NMNAT3: variants seen among roughly 807,000 people sequenced by gnomAD.
NMNAT3 encodes nicotinamide nucleotide adenylyltransferase 3, also known as nicotinamide/nicotinic acid mononucleotide adenylyltransferase 3.
In NMNAT3, 21 loss-of-function variants were observed where a neutral mutation model predicts 24.8. That is an observed-to-expected ratio of 0.85 (90% CI 0.60 to 1.22). The LOEUF is 1.22. NMNAT3 is among the 50% of genes most tolerant of loss of function. NMNAT3 has a pLI of 0.00. For missense variants in NMNAT3, 387 were observed against 436.6 expected, an observed-to-expected ratio of 0.89 and a Z score of 1.01; for synonymous variants, 136 against 155.2, an observed-to-expected ratio of 0.88 and a Z score of 0.92.
chr3:139,572,954 G>A (rs1197315106), intron 6 of NMNAT3, among the ~76,000 whole-genome samples: 1 of 152,144 alleles, frequency 6.6e-6, no homozygotes, highest in Non-Finnish European at 1.5e-5. Context: ...GCTGGAATCT[G>A]CACGCCCACC....
intron 5 of NMNAT3, among the ~76,000 whole-genome samples, chr3:139,573,933 G>A (rs1253997045): frequency 2.6e-5 from 4 of 151,978 alleles, no homozygotes; most frequent in Admixed American, 2.6e-4. Context: ...AGGGAAATTA[G>A]TACATTTCTA....
At chr3:139,596,964 A>ATATATATAT (rs1405063694) in intron 3 of NMNAT3, among the ~76,000 whole-genome samples, 1 of 108,538 alleles carries the variant, frequency 9.2e-6, no homozygotes, top group Non-Finnish European at 1.9e-5. Context: ...ATATATATAT[A>ATATATATAT]TTTTTATTAC....
At chr3:139,599,287 T>G (rs753811798) in intron 3 of NMNAT3, 1 of 701,948 alleles carries the variant, frequency 1.4e-6, no homozygotes. Flanking sequence ...ATTACTAATT[T>G]GCCTCTTCCC....
chr3:139,639,300 G>T (rs1019806731), intron 1 of NMNAT3, among the ~76,000 whole-genome samples: 6 of 152,210 alleles, frequency 3.9e-5, no homozygotes, highest in African/African-American at 1.4e-4. Flanking sequence ...TCAAAACAAA[G>T]ACAACGTTGG....
At position 139,561,355 on chromosome 3, in the gene NMNAT3, G is replaced by A. The variant is rs780952567; in HGVS notation, c.696C>T (p.Val232=). The change falls in exon 7 of 7, where the codon GTC becomes GTT. Residue 232 remains valine (V), a synonymous_variant. Transcript: ENST00000643695. Reference sequence around the variant, plus strand: ...GGTTGGGGGTCTGGAAGGTCTTCAAGACGTCTGCCCCACAGAGAAGCTTCA... The same window carrying A: ...GGTTGGGGGTCTGGAAGGTCTTCAAAACGTCTGCCCCACAGAGAAGCTTCA... The A allele has an allele frequency of 1.2e-6, 2 of 1,614,048 alleles. No individual in the cohort carries two copies. Among genetic ancestry groups the A allele is most frequent in the East Asian group, 2.2e-5 (1 of 44,872 alleles).
chr3:139,677,505 C>T (rs774616420), intron 1 of NMNAT3, among the ~76,000 whole-genome samples, 200 bp downstream of exon 1: 2 of 152,208 alleles, frequency 1.3e-5, no homozygotes, highest in Non-Finnish European at 2.9e-5. Context: ...CACGCTGCAG[C>T]GAGAACCGCC....
intron 5 of NMNAT3, chr3:139,575,645 G>A: frequency 7.9e-6 from 8 of 1,016,988 alleles, no homozygotes; most frequent in Non-Finnish European, 9.4e-6. Flanking sequence ...GAACTTTGTT[G>A]TGGAAATAAT....
intron 1 of NMNAT3, among the ~76,000 whole-genome samples, chr3:139,647,806 C>G (rs1295351054): frequency 6.6e-6 from 1 of 151,386 alleles, no homozygotes; most frequent in East Asian, 1.9e-4. Flanking sequence ...AACTTTTGGC[C>G]TCCAAAATTG....
chr3:139,618,777 T>A (rs2055626155), intron 3 of NMNAT3, among the ~76,000 whole-genome samples: 1 of 152,158 alleles, frequency 6.6e-6, no homozygotes, highest in African/African-American at 2.4e-5. Flanking sequence ...AGAAGATGGT[T>A]CGGGTTATGG....
chr3:139,567,069 G>A (rs1336193232), intron 6 of NMNAT3: 6 of 151,836 alleles, frequency 4.0e-5, no homozygotes, highest in Non-Finnish European at 7.4e-5. Flanking sequence ...TCCTTGAAGA[G>A]GTCCTTCACA....
chr3:139,564,754 A>G (rs1936918131), intron 6 of NMNAT3, among the ~76,000 whole-genome samples: 1 of 152,248 alleles, frequency 6.6e-6, no homozygotes, highest in Non-Finnish European at 1.5e-5. Context: ...TGTCACTAGT[A>G]ACACACATGC....
At chr3:139,618,236 C>T (rs902906699) in intron 3 of NMNAT3, among the ~76,000 whole-genome samples, 7 of 152,172 alleles carry the variant, frequency 4.6e-5, no homozygotes, top group African/African-American at 7.2e-5. Context: ...CTCTTGAGCA[C>T]GGATGACTTT....
intron 1 of NMNAT3, among the ~76,000 whole-genome samples, chr3:139,644,300 T>C (rs761600622): frequency 2.0e-5 from 3 of 152,200 alleles, no homozygotes; most frequent in Non-Finnish European, 4.4e-5. Flanking sequence ...CAAATAAGAC[T>C]GGCATGCATC....
intron 6 of NMNAT3, chr3:139,565,970 G>C (rs1214736962): frequency 1.3e-5 from 2 of 152,192 alleles, no homozygotes; most frequent in African/African-American, 4.8e-5. Flanking sequence ...CTAGTTTACA[G>C]TCCCACCAAA....
chr3:139,624,326 T>C (rs1276881790), intron 3 of NMNAT3, among the ~76,000 whole-genome samples: 2 of 152,096 alleles, frequency 1.3e-5, no homozygotes, highest in African/African-American at 4.8e-5. Flanking sequence ...TTTTTCAAAG[T>C]ATGTTATTTT....
intron 2 of NMNAT3, chr3:139,634,279 C>G (rs185681141): frequency 6.6e-6 from 1 of 152,210 alleles, no homozygotes; most frequent in African/African-American, 2.4e-5. Context: ...GCATTTGTAA[C>G]GGGCCCAGGC....
chr3:139,581,629 A>G (rs1474024465), intron 4 of NMNAT3, among the ~76,000 whole-genome samples: 3 of 152,220 alleles, frequency 2.0e-5, no homozygotes, highest in African/African-American at 7.2e-5. Context: ...TTCAATTTAT[A>G]TAATATTCCA....
chr3:139,635,089 G>T (rs1240474430), intron 2 of NMNAT3: 1 of 152,172 alleles, frequency 6.6e-6, no homozygotes, highest in Non-Finnish European at 1.5e-5. Flanking sequence ...CCCATAGAGG[G>T]TTCTCTAGAA....
rs144379376 is a variant in NMNAT3, at chr3:139,616,661, T to G, written c.109+10955A>C. Among the ~76,000 whole-genome samples the G allele has an allele frequency of 5.3e-5, 8 of 152,286 alleles. No individual in the cohort carries two copies. The East Asian group carries it at 1.5e-3, about 29-fold the overall frequency. On this transcript the variant is annotated intron_variant, in intron 3 of 6. Transcript: ENST00000643695. ...ATCCATTACCAGGTCAATTTTACCT[T>G]CTAATTATACCTTCACTGTCAACTT...
Sources: gnomAD v4.1 joint callset for allele counts (sites outside exome capture counted in the v4.1 genomes callset) on GRCh38, gnomAD v4.1.1 for gene constraint, MANE v1.5 for transcripts, NCBI Gene and HGNC (gene_info 2026-07-23, HGNC 2026-07-21) for gene names.